Variants in CDAN1 observed in about 807,000 individuals in gnomAD.
CDAN1 encodes codanin 1.
A neutral mutation model predicts 139.8 loss-of-function variants in CDAN1; 107 were observed. The ratio of observed to expected loss-of-function variants is 0.77; its 90% CI spans 0.65 to 0.90. CDAN1 has a LOEUF of 0.90. Ranked by LOEUF, CDAN1 falls within the 40% of genes least tolerant of loss-of-function variation. The probability of loss-of-function intolerance (pLI) is 0.00; values close to 1 mark genes in which losing one functional copy is unlikely to be tolerated. For synonymous variants in CDAN1, 776 were observed against 660.6 expected (o/e 1.17, Z -2.68); for missense variants, 1,667 against 1,575.7 (o/e 1.06, Z -0.98).
At chr15:42,734,482 C>T (rs1488819336) in intron 6 of CDAN1, 136 bp from the exon 7 acceptor site, 3 of 1,067,474 alleles carry the variant, frequency 2.8e-6, no homozygotes, top group Non-Finnish European at 4.2e-6. Context: ...AGGTCATGGG[C>T]CAAGGATCAA....
Position 42,735,940 on chromosome 15 carries a change from C to A in CDAN1, c.708G>T (p.Trp236Cys). Residue 236 changes from tryptophan to cysteine, a missense_variant, in exon 3 of 28, where the codon TGG (tryptophan) becomes TGT (cysteine). Physicochemically the swap from Trp to Cys is radical, Grantham distance 215. Around this residue, in one of 3 missense-constraint regions of CDAN1, gnomAD observed 487 missense variants for 422.2 expected, o/e 1.15. Coordinates refer to ENST00000356231, the MANE Select transcript of CDAN1 (RefSeq NM_138477.4). ...SQPSALDTSP[W>C]GLGLPPGCRS... is the part of the protein sequence containing the mutation. Reference sequence around the variant, plus strand: ...TGCACCCTGGGGGAAGGCCAAGGCCCCAAGGGCTAGTGTCCAGGGCTGAGG... The same window carrying A: ...TGCACCCTGGGGGAAGGCCAAGGCCACAAGGGCTAGTGTCCAGGGCTGAGG... The A allele has an allele frequency of 6.2e-7, 1 of 1,614,178 alleles. No homozygotes were observed. Among genetic ancestry groups the A allele is most frequent in the Non-Finnish European group, 8.5e-7 (1 of 1,180,030 alleles).
Position 42,736,950 on chromosome 15 carries a change from G to A in CDAN1, c.90+63C>T, listed in dbSNP as rs1307635051. The A allele has an allele frequency of 5.3e-6, 8 of 1,505,608 alleles. No homozygotes were observed. In the East Asian group the frequency reaches 2.1e-4, roughly 39 times the overall value. The allele number at this position is 1,505,608 out of a possible 1,614,324, so 93.3% of individuals were successfully genotyped here. A position where few individuals can be genotyped will look rare whatever the true frequency, so the allele number is the denominator to read the frequency against. ...GGCGCCCTAGAGGAAGGGGACTGGA[G>A]GGCTGGACTCCACTGCGGGAACCGG... is the stretch of plus-strand genomic sequence containing the variant. On this transcript the variant is annotated intron_variant, in intron 1 of 27. Coordinates refer to ENST00000356231, the MANE Select transcript of CDAN1 (RefSeq NM_138477.4).
In CDAN1 at chr15:42,726,080, A is replaced by C; in HGVS notation, c.3268+17T>G. On this transcript the variant is annotated intron_variant, in intron 25 of 27. Coordinates refer to ENST00000356231, the MANE Select transcript of CDAN1 (RefSeq NM_138477.4). ...GGGGATCAGGCAAGAGAGGGATTTG[A>C]TGGAAAGCAACCATACCGAGGAGGG... 1 of 1,603,920 alleles carries C rather than the reference A, an allele frequency of 6.2e-7. No individual in the cohort carries two copies. The highest frequency in any genetic ancestry group is 8.5e-7 in the Non-Finnish European group (1 of 1,174,546).
intron 19 of CDAN1, 45 bp from the exon 20 acceptor site, chr15:42,728,855 G>C (rs1409431427): frequency 3.7e-6 from 6 of 1,612,548 alleles, no homozygotes; most frequent in Admixed American, 3.3e-5. Flanking sequence ...AGGGTTAATC[G>C]GAAAGAGGCT....
At chr15:42,731,160 C>G in intron 12 of CDAN1, 51 bp downstream of exon 12, 1 of 1,614,202 alleles carries the variant, frequency 6.2e-7, no homozygotes, top group Non-Finnish European at 8.5e-7. Context: ...TGAACATACT[C>G]CCTTCCCTCC....
In CDAN1 at chr15:42,724,504, A is replaced by C; in HGVS notation, c.3671T>G (p.Leu1224Arg). 1 of 1,577,000 alleles carries C rather than the reference A, an allele frequency of 6.3e-7. No homozygotes were observed. Among genetic ancestry groups the C allele is most frequent in the Non-Finnish European group, 8.6e-7 (1 of 1,160,178 alleles). The change falls in exon 28 of 28, where the codon CTG becomes CGG. Residue 1224 changes from leucine (L) to arginine (R), a missense_variant. This residue lies in a region of CDAN1 where 936 missense variants were observed against 844.1 expected (regional missense o/e 1.11). Coordinates refer to ENST00000356231, the MANE Select transcript of CDAN1 (RefSeq NM_138477.4). Reference protein sequence around the residue: ...ELVQPNRGTVLAQS With the variant: ...ELVQPNRGTVRAQS ...CACTTCTCAGCCCTAGCTCTGGGCC[A>C]GCACAGTGCCCCGGTTTGGCTGCAC...
chr15:42,726,043 C>G (rs1459054674), intron 25 of CDAN1, 54 bp downstream of exon 25: 1 of 1,434,880 alleles, frequency 7.0e-7, no homozygotes, highest in Non-Finnish European at 9.8e-7. Context: ...TTGTACCCAA[C>G]CCTGAGATTT....
intron 15 of CDAN1, 42 bp from the exon 16 acceptor site, chr15:42,729,927 C>G (rs1001364434): frequency 2.8e-6 from 4 of 1,405,698 alleles, no homozygotes; most frequent in Non-Finnish European, 3.9e-6. Context: ...CAGAGACCCC[C>G]ACCCAACCCA....
intron 6 of CDAN1, 86 bp downstream of exon 6, chr15:42,735,014 T>G (rs981018310): frequency 2.2e-6 from 2 of 903,792 alleles, no homozygotes; most frequent in Non-Finnish European, 3.6e-6. Flanking sequence ...TGCCCCTGTG[T>G]TAAGCACCAG....
chr15:42,724,644 A>C (rs1445367859), intron 27 of CDAN1, 28 bp from the exon 28 acceptor site: 7 of 1,550,784 alleles, frequency 4.5e-6, no homozygotes, highest in African/African-American at 1.4e-5. Flanking sequence ...ATGAGGGAAA[A>C]GGCAGCATGT....
chr15:42,726,283 C>T (rs1371235688), intron 24 of CDAN1, 27 bp downstream of exon 24: 2 of 1,588,536 alleles, frequency 1.3e-6, no homozygotes, highest in African/African-American at 2.7e-5. Flanking sequence ...AGAAAAAAGC[C>T]CCCCGGTGGC....
rs765548629 is a variant in CDAN1 at position 42,727,728 on chromosome 15, G to C, written c.2989C>G (p.Leu997Val). ...GCAGGTTCAGGACCCTGGGCTCGAA[G>C]TGTGCGACTCACTGCTGCTTTCACC... ...REVKAAVSRT[L>V]RAQGPEPAAR... is the part of the protein sequence containing the mutation. The change falls in exon 23 of 28, where the codon CTT (leucine) becomes GTT (valine). Residue 997 changes from leucine (L) to valine (V), a missense_variant. This residue lies in a region of CDAN1 where 936 missense variants were observed against 844.1 expected (regional missense o/e 1.11). Transcript: ENST00000356231. 1 of 1,587,182 alleles carries C rather than the reference G, an allele frequency of 6.3e-7. No homozygotes were observed. Among genetic ancestry groups the C allele is most frequent in the Non-Finnish European group, 8.6e-7 (1 of 1,163,068 alleles).
intron 20 of CDAN1, 84 bp from the exon 21 acceptor site, chr15:42,728,351 T>G: frequency 1.4e-6 from 2 of 1,458,386 alleles, no homozygotes; most frequent in Non-Finnish European, 1.9e-6. Context: ...ACCAAGCCCC[T>G]GACCTGGGAG....
chr15:42,736,814 G>A, intron 1 of CDAN1, 34 bp from the exon 2 acceptor site: 2 of 1,490,364 alleles, frequency 1.3e-6, no homozygotes, highest in Middle Eastern at 1.7e-4. Context: ...GGGCGAGAGG[G>A]TCAGCCGCCG....
chr15:42,729,813 C>T lies in CDAN1; in HGVS notation c.2335G>A (p.Ala779Thr), dbSNP rs780840510. The T allele has an allele frequency of 8.7e-6, 14 of 1,613,598 alleles. No individual in the cohort carries two copies. The highest frequency in any genetic ancestry group is 1.3e-5 in the African/African-American group (1 of 74,870). Residue 779 changes from alanine to threonine, a missense_variant, in exon 16 of 28, where the codon GCC (alanine) becomes ACC (threonine). Ala to Thr is a moderately conservative substitution (Grantham distance 58, BLOSUM62 0). This residue lies in a region of CDAN1 where 936 missense variants were observed against 844.1 expected (regional missense o/e 1.11). Coordinates refer to ENST00000356231, the MANE Select transcript of CDAN1 (RefSeq NM_138477.4). ...GCACTCACCAAGCCATGCTCTGGGG[C>T]TACTGTGTCCACCTCAAAGGCATAT... ...PSYAFEVDTV[A>T]PEHGLDNAPV...
intron 25 of CDAN1, 132 bp from the exon 26 acceptor site, chr15:42,725,802 G>A: frequency 1.1e-6 from 1 of 913,044 alleles, no homozygotes; most frequent in Non-Finnish European, 1.7e-6. Context: ...GGCCAACATA[G>A]TGAAACCCCA....
chr15:42,733,336 G>A (rs947981070), intron 8 of CDAN1, 150 bp from the exon 9 acceptor site: 22 of 715,838 alleles, frequency 3.1e-5, no homozygotes, highest in Non-Finnish European at 4.8e-5. Context: ...TTGCAATGAC[G>A]CGATCTCAGC....
At position 42,730,934 on chromosome 15, in the gene CDAN1, G is replaced by A; in HGVS notation, c.1998C>T (p.Leu666=). 1 of 1,614,208 alleles carries A rather than the reference G, an allele frequency of 6.2e-7. No homozygotes were observed. The highest frequency in any genetic ancestry group is 8.5e-7 in the Non-Finnish European group (1 of 1,180,042). The part of the protein sequence containing the change: ...TGELQDSILA[L]RSQVPPVLDV... ...TCCCCCGCCCATTCACCTGGCTCCT[G>A]AGGGCCAGAATGGAGTCCTGAAGCT... Residue 666 remains leucine (L), a synonymous_variant, in exon 13 of 28, where the codon CTC becomes CTT. Coordinates refer to ENST00000356231, the MANE Select transcript of CDAN1 (RefSeq NM_138477.4).
Position 42,728,642 on chromosome 15 carries a change from CGCT to C in CDAN1, c.2804+7_2804+9del. On this transcript the variant is annotated splice_region_variant and intron_variant, in intron 20 of 27. Coordinates refer to ENST00000356231, the MANE Select transcript of CDAN1 (RefSeq NM_138477.4). ...GAGGAGAGTGGATCAAATGGACCAG[CGCT>C]GCTTACTCCCGCCCCAGGGCCAATG... is the stretch of plus-strand genomic sequence containing the variant. The C allele has an allele frequency of 6.2e-7, 1 of 1,613,654 alleles. No individual in the cohort carries two copies. The highest frequency in any genetic ancestry group is 1.1e-5 in the South Asian group (1 of 91,070).
Sources: gnomAD v4.1 joint callset for allele counts on GRCh38, gnomAD v4.1.1 for gene constraint, gnomAD v4.1.1 regional missense constraint, MANE v1.5 for transcripts, NCBI Gene and HGNC (gene_info 2026-07-23, HGNC 2026-07-21) for gene names.